The following NKIRAS1 variants were observed in gnomAD, a reference collection of about 807,000 sequenced individuals.
The protein encoded by NKIRAS1 is NF-kappa-B inhibitor-interacting Ras-like protein 1.
A neutral mutation model predicts 19.8 loss-of-function variants in NKIRAS1; 16 were observed. The observed-to-expected ratio is 0.81, with a 90% CI of 0.55 to 1.23. The LOEUF (loss-of-function observed/expected upper bound fraction) is 1.23, where lower values mean the gene tolerates loss of function less well. Ranked by LOEUF, NKIRAS1 falls within the 50% of genes most tolerant of loss-of-function variation. The pLI is 0.00. For synonymous variants in NKIRAS1, 88 were observed against 79.0 expected (o/e 1.11, Z -0.61); for missense variants, 184 against 220.0 (o/e 0.84, Z 1.04).
chr3:23,890,738 T>G lies in NKIRAS1; in HGVS notation c.*2357A>C, dbSNP rs1167675854. 9.1e-6 allele frequency: 7 copies of G among 768,770 alleles called. No individual in the cohort carries two copies. The highest frequency in any genetic ancestry group is 1.3e-5 in the Non-Finnish European group (7 of 526,120). 47.6% of individuals were successfully genotyped at this position (768,770 alleles called of 1,614,324 possible). A position where few individuals can be genotyped will look rare whatever the true frequency, so the allele number is the denominator to read the frequency against. ...TATAACAGATATTATTCAGTCTTAT[T>G]TCCTAAGATTTTGTTGTAACTTAAG... On this transcript the variant is annotated 3_prime_UTR_variant, in exon 5 of 5. Transcript: ENST00000425478.
chr3:23,890,672 G>T lies in NKIRAS1; in HGVS notation c.*2423C>A. 1 of 1,347,066 alleles carries T rather than the reference G, an allele frequency of 7.4e-7. No individual in the cohort carries two copies. Among genetic ancestry groups the T allele is most frequent in the Non-Finnish European group, 1.0e-6 (1 of 964,822 alleles). 83.4% of individuals were successfully genotyped at this position (1,347,066 alleles called of 1,614,324 possible). A position where few individuals can be genotyped will look rare whatever the true frequency, so the allele number is the denominator to read the frequency against. ...AAGAGAGCTGCTTATGATTTTGAAGGGGTCAGGGAGGGTGGGAGTTGGTAA... is the reference window on the plus strand; with the variant it reads ...AAGAGAGCTGCTTATGATTTTGAAGTGGTCAGGGAGGGTGGGAGTTGGTAA... On this transcript the variant is annotated 3_prime_UTR_variant, in exon 5 of 5. Transcript: ENST00000425478.
At chr3:23,919,522 T>A, upstream of NKIRAS1, 1 of 1,535,716 alleles carries the variant, frequency 6.5e-7, no homozygotes. Flanking sequence ...GTTTGTAAAA[T>A]TCATACTTAA....
At chr3:23,901,822 C>T (rs559395393) in intron 3 of NKIRAS1, among the ~76,000 whole-genome samples, 52 of 152,286 alleles carry the variant, frequency 3.4e-4, no homozygotes, top group African/African-American at 1.2e-3. Context: ...CCTATAATCC[C>T]AGCACTTTGG....
Position 23,922,023 on chromosome 3 carries a change from TAAC to T in NKIRAS1, c.-139-10576_-139-10574del, listed in dbSNP as rs148300149. ...ACCGGGCCCAAATTTACTTTAGTAA[TAAC>T]AACAATTGGCTGGGTGCGGTGGCTC... On this transcript the variant is annotated intron_variant, in intron 1 of 4. Coordinates refer to the NKIRAS1 transcript ENST00000421515. This position sits in a 1 kb window ranked among gnomAD's most constrained non-coding sequence, Gnocchi z 4.2. The T allele has an allele frequency of 5.8e-3, 951 of 164,854 alleles. 12 individuals are homozygous for T. Among genetic ancestry groups the T allele is most frequent in the African/African-American group, 0.021 (891 of 41,808 alleles). The allele number at this position is 164,854 out of a possible 1,614,324, so 10.2% of individuals were successfully genotyped here.
intron 4 of NKIRAS1, among the ~76,000 whole-genome samples, chr3:23,897,136 G>A (rs999177689): frequency 6.6e-6 from 1 of 152,048 alleles, no homozygotes; most frequent in Admixed American, 6.6e-5. Context: ...ACTGGAGCCT[G>A]GGAGTTTTAG....
intron 1 of NKIRAS1, among the ~76,000 whole-genome samples, chr3:23,942,790 C>T (rs1705530169): frequency 6.6e-6 from 1 of 152,112 alleles, no homozygotes; most frequent in Non-Finnish European, 1.5e-5. Flanking sequence ...GCTCTGTCAC[C>T]CAGACTGGAA....
chr3:23,893,020 A>G lies in NKIRAS1; in HGVS notation c.*75T>C. 6.3e-6 allele frequency: 9 copies of G among 1,423,324 alleles called. No individual in the cohort carries two copies. Among genetic ancestry groups the G allele is most frequent in the Non-Finnish European group, 8.4e-6 (9 of 1,071,924 alleles). 88.2% of individuals were successfully genotyped at this position (1,423,324 alleles called of 1,614,324 possible). ...TAGATACAAATGGCCTATTTTAAAT[A>G]GTAATATTACTCCATGTTCACAGAC... On this transcript the variant is annotated 3_prime_UTR_variant, in exon 5 of 5. Transcript: ENST00000425478.
chr3:23,910,691 G>A, intron 3 of NKIRAS1, 120 bp downstream of exon 3: 1 of 677,492 alleles, frequency 1.5e-6, no homozygotes, highest in Non-Finnish European at 2.6e-6. Flanking sequence ...ATCTCTTTTG[G>A]TCCCTCTGGA....
chr3:23,905,341 ATGT>A (rs1244949033), intron 3 of NKIRAS1, among the ~76,000 whole-genome samples: 1 of 152,216 alleles, frequency 6.6e-6, no homozygotes, highest in Non-Finnish European at 1.5e-5. Context: ...CCTGTCCTCA[ATGT>A]TGTACTTTTT....
Position 23,890,607 on chromosome 3 carries a change from A to G in NKIRAS1, c.*2488T>C. ...GTGGACCAAGAGATACGCTACATAA[A>G]TTGGGGTTTCACAATTCTTACATTA... On this transcript the variant is annotated 3_prime_UTR_variant, in exon 5 of 5. Transcript: ENST00000425478. 6.4e-7 allele frequency: 1 copy of G among 1,574,544 alleles called. No individual in the cohort carries two copies. The highest frequency in any genetic ancestry group is 8.7e-7 in the Non-Finnish European group (1 of 1,155,698).
chr3:23,926,188 A>G lies in NKIRAS1; in HGVS notation c.-139-14738T>C, dbSNP rs189575566. Among the ~76,000 whole-genome samples the G allele has an allele frequency of 6.6e-6, 1 of 152,248 alleles. No individual in the cohort carries two copies. The highest frequency in any genetic ancestry group is 1.5e-5 in the Non-Finnish European group (1 of 68,016). ...TGCCTCAGCCTCCCAAGTAGCTGGG[A>G]TTACAGGCACCCGCCACCACGCCCA... On this transcript the variant is annotated intron_variant, in intron 1 of 4. Transcript: ENST00000421515. This position sits in a 1 kb window ranked among gnomAD's most constrained non-coding sequence, Gnocchi z 4.3.
intron 1 of NKIRAS1, among the ~76,000 whole-genome samples, chr3:23,929,623 G>C (rs1339510759): frequency 6.6e-6 from 1 of 151,462 alleles, no homozygotes; most frequent in Non-Finnish European, 1.5e-5. Flanking sequence ...TTTTGTTTTT[G>C]TAGAGAAAGG....
intron 4 of NKIRAS1, among the ~76,000 whole-genome samples, chr3:23,898,400 G>A (rs1476108846): frequency 6.6e-6 from 1 of 151,350 alleles, no homozygotes; most frequent in Non-Finnish European, 1.5e-5. Context: ...CAGAGGATAT[G>A]TGAGTAAAAA....
chr3:23,904,372 C>T (rs888869676), intron 3 of NKIRAS1, among the ~76,000 whole-genome samples: 1 of 152,102 alleles, frequency 6.6e-6, no homozygotes, highest in African/African-American at 2.4e-5. Context: ...CAAGATGGAG[C>T]CTTGTTGCTG....
chr3:23,944,858 A>C (rs1402877949), intron 1 of NKIRAS1, among the ~76,000 whole-genome samples: 3 of 151,482 alleles, frequency 2.0e-5, no homozygotes, highest in Admixed American at 1.3e-4. Context: ...TGGGGGGCGC[A>C]AGGGTTGAGC....
intron 1 of NKIRAS1, chr3:23,946,048 G>T (rs1490296660): frequency 2.1e-6 from 2 of 962,564 alleles, no homozygotes; most frequent in Non-Finnish European, 2.5e-6. Flanking sequence ...CGCGCGCGCT[G>T]GCTGGGAGCG....
In NKIRAS1 at chr3:23,893,219, G is replaced by GT; in HGVS notation, c.454dup (p.Thr152AsnfsTer8). Reference sequence around the variant, plus strand: ...TGGTTCAATCAGAGTTTTCCGATCTGTAACAGTCACCTCCCACAGTCTTAC... The same window carrying GT: ...TGGTTCAATCAGAGTTTTCCGATCTGTTAACAGTCACCTCCCACAGTCTTAC... On this transcript the variant is annotated frameshift_variant, in exon 5 of 5. Coordinates refer to ENST00000425478, the MANE Select transcript of NKIRAS1 (RefSeq NM_020345.4). LOFTEE classifies it high-confidence loss of function. 6.2e-7 allele frequency: 1 copy of GT among 1,614,084 alleles called. No homozygotes were observed. Among genetic ancestry groups the GT allele is most frequent in the South Asian group, 1.1e-5 (1 of 91,074 alleles).
chr3:23,928,952 G>T (rs1210332430), intron 1 of NKIRAS1, among the ~76,000 whole-genome samples: 1 of 144,256 alleles, frequency 6.9e-6, no homozygotes, highest in African/African-American at 2.6e-5. Context: ...AACCGAGATC[G>T]TGCCACTGCG....
chr3:23,937,409 G>C (rs2125269767), intron 1 of NKIRAS1, among the ~76,000 whole-genome samples: 1 of 152,252 alleles, frequency 6.6e-6, no homozygotes, highest in South Asian at 2.1e-4. Context: ...CTCATGCTAG[G>C]AGAGATTGCA....
Sources: allele counts gnomAD v4.1 joint callset (sites outside exome capture counted in the v4.1 genomes callset), GRCh38; gene constraint gnomAD v4.1.1; non-coding constraint Gnocchi (gnomAD v3.1); transcripts MANE v1.5; gene names NCBI Gene and HGNC (gene_info 2026-07-23, HGNC 2026-07-21).